Variants in SGCZ observed in about 807,000 individuals in gnomAD.
The protein encoded by SGCZ is sarcoglycan zeta, also known as zeta-sarcoglycan.
Under a neutral mutation model 41.3 loss-of-function variants are expected in SGCZ, and 40 were observed. That is an observed-to-expected ratio of 0.97 (90% CI 0.75 to 1.26). The LOEUF is 1.26. Among genes scored for constraint, SGCZ ranks in the 50% most tolerant of loss-of-function variants. The pLI, the probability that SGCZ is intolerant of heterozygous loss-of-function variation, is 0.00. For synonymous variants in SGCZ, 206 were observed against 137.5 expected (o/e 1.50, Z -3.49); for missense variants, 552 against 369.8 (o/e 1.49, Z -4.04).
At chr8:14,904,670 A>G (rs574920185) in intron 1 of SGCZ, among the ~76,000 whole-genome samples, 2 of 152,094 alleles carry the variant, frequency 1.3e-5, no homozygotes, top group Non-Finnish European at 1.5e-5. Context: ...TCTCTCCTCA[A>G]TAAGATTCAT....
chr8:15,016,924 G>A (rs1215635255), intron 1 of SGCZ, among the ~76,000 whole-genome samples: 1 of 152,002 alleles, frequency 6.6e-6, no homozygotes, highest in Non-Finnish European at 1.5e-5. Context: ...AGCAGATCTG[G>A]TAATAATTAA....
intron 5 of SGCZ, among the ~76,000 whole-genome samples, chr8:14,150,573 G>C (rs1206714694): frequency 1.3e-5 from 2 of 152,096 alleles, no homozygotes; most frequent in Admixed American, 1.3e-4. Flanking sequence ...CTATTGGAGG[G>C]AATGTAAATT....
rs529792093 is a variant in SGCZ at position 14,818,033 on chromosome 8, C to G, written c.40-263107G>C. Among the ~76,000 whole-genome samples the G allele has an allele frequency of 1.5e-3, 234 of 152,302 alleles. 4 individuals carry two copies. Among genetic ancestry groups the G allele is most frequent in the Admixed American group, 3.3e-3 (51 of 15,302 alleles). ...ATAGTCTGTATGACAGCAATTCTGACTCTCTGGACAGAGTGCCATGAAGCC... is the reference window on the plus strand; with the variant it reads ...ATAGTCTGTATGACAGCAATTCTGAGTCTCTGGACAGAGTGCCATGAAGCC... On this transcript the variant is annotated intron_variant, in intron 1 of 7. Coordinates refer to ENST00000382080, the MANE Select transcript of SGCZ (RefSeq NM_139167.4).
At chr8:14,445,578 T>G (rs73188372) in intron 2 of SGCZ, among the ~76,000 whole-genome samples, 1,918 of 152,152 alleles carry the variant, frequency 0.013, 23 homozygotes, top group East Asian at 0.074. Flanking sequence ...GAAAACCATT[T>G]CCACCACTCA....
At chr8:15,171,449 T>A (rs968755539) in intron 1 of SGCZ, among the ~76,000 whole-genome samples, 2 of 152,200 alleles carry the variant, frequency 1.3e-5, no homozygotes, top group Admixed American at 6.5e-5. Context: ...TGTTGCTCCC[T>A]GTGCAATGAT....
At chr8:14,202,081 AC>A (rs1300387962) in intron 4 of SGCZ, among the ~76,000 whole-genome samples, 2 of 152,136 alleles carry the variant, frequency 1.3e-5, no homozygotes, top group Non-Finnish European at 2.9e-5. Flanking sequence ...AAGGTTGCTC[AC>A]CGCCTGACCT....
At chr8:14,825,840 A>C (rs1802288293) in intron 1 of SGCZ, among the ~76,000 whole-genome samples, 1 of 152,044 alleles carries the variant, frequency 6.6e-6, no homozygotes, top group Non-Finnish European at 1.5e-5. Flanking sequence ...ACTTAACATG[A>C]TATTCTTCAG....
intron 1 of SGCZ, among the ~76,000 whole-genome samples, chr8:14,793,223 C>G (rs979293198): frequency 1.3e-5 from 2 of 152,190 alleles, no homozygotes; most frequent in African/African-American, 4.8e-5. Context: ...TTTTCACTGT[C>G]TACCGCTTTG....
chr8:14,805,484 G>A (rs80233038), intron 1 of SGCZ, among the ~76,000 whole-genome samples: 30,876 of 123,302 alleles, frequency 0.25, 4,292 homozygotes, highest in East Asian at 0.4. Flanking sequence ...AGACAAAGAA[G>A]GCCATTACAT....
chr8:14,440,385 A>G (rs1372777169), intron 2 of SGCZ, among the ~76,000 whole-genome samples: 1 of 152,150 alleles, frequency 6.6e-6, no homozygotes, highest in Non-Finnish European at 1.5e-5. Context: ...TGATAAAACA[A>G]AAATAAAGTG....
chr8:14,402,592 T>C (rs1038655395), intron 2 of SGCZ, among the ~76,000 whole-genome samples: 1 of 143,438 alleles, frequency 7.0e-6, no homozygotes, highest in South Asian at 2.1e-4. Flanking sequence ...AAAGATCAGA[T>C]AGTTGTAGAT....
At chr8:14,413,973 T>C (rs1799428534) in intron 2 of SGCZ, among the ~76,000 whole-genome samples, 1 of 152,012 alleles carries the variant, frequency 6.6e-6, no homozygotes, top group Non-Finnish European at 1.5e-5. Flanking sequence ...CCTATTGTTC[T>C]TTAGATTATT....
intron 1 of SGCZ, among the ~76,000 whole-genome samples, chr8:14,790,997 C>T (rs1280468378): frequency 6.7e-6 from 1 of 149,854 alleles, no homozygotes. Flanking sequence ...CACCACTGTC[C>T]TCAAGCCTGG....
chr8:14,110,324 C>T (rs1471671302), intron 5 of SGCZ, among the ~76,000 whole-genome samples: 2 of 151,980 alleles, frequency 1.3e-5, no homozygotes, highest in East Asian at 3.9e-4. Flanking sequence ...GAAAATTTCC[C>T]AGATAAGGTG....
At chr8:15,212,050 C>T (rs62502012) in intron 1 of SGCZ, among the ~76,000 whole-genome samples, 15,734 of 152,024 alleles carry the variant, frequency 0.1, 934 homozygotes, top group Non-Finnish European at 0.13. Flanking sequence ...AATACTCAGA[C>T]GTTCGTGAAT....
rs1272186806 is a variant in SGCZ, at chr8:14,419,696, A to T, written c.235-95492T>A. 2.0e-5 allele frequency among the ~76,000 whole-genome samples: 3 copies of T among 152,026 alleles called. No homozygotes were observed. In the East Asian group the frequency reaches 5.8e-4, roughly 29 times the overall value. On this transcript the variant is annotated intron_variant, in intron 2 of 7. Coordinates refer to ENST00000382080, the MANE Select transcript of SGCZ (RefSeq NM_139167.4). ...ATTCATTTCTATATTACCCCAACTT[A>T]CAGCCTGCTTTTAAATTAAAATAAA...
intron 1 of SGCZ, among the ~76,000 whole-genome samples, chr8:15,019,436 C>T (rs908078555): frequency 6.6e-6 from 1 of 152,244 alleles, no homozygotes; most frequent in East Asian, 1.9e-4. Flanking sequence ...CTGATGGATT[C>T]ACATTTCCAA....
intron 3 of SGCZ, among the ~76,000 whole-genome samples, chr8:14,307,991 C>A (rs1801400816): frequency 6.6e-6 from 1 of 151,962 alleles, no homozygotes; most frequent in East Asian, 1.9e-4. Flanking sequence ...TGACAGAGAT[C>A]TGTATTTGGG....
chr8:14,397,809 C>G (rs910287553), intron 2 of SGCZ, among the ~76,000 whole-genome samples: 2 of 152,080 alleles, frequency 1.3e-5, no homozygotes, highest in Admixed American at 1.3e-4. Context: ...TAGGGTACAT[C>G]GAAGGTCTTC....
Sources: gnomAD v4.1 joint callset for allele counts (sites outside exome capture counted in the v4.1 genomes callset) on GRCh38, gnomAD v4.1.1 for gene constraint, MANE v1.5 for transcripts, NCBI Gene and HGNC (gene_info 2026-07-23, HGNC 2026-07-21) for gene names.